Variants in LRRC4C observed in about 807,000 individuals in gnomAD.
The protein encoded by LRRC4C is leucine-rich repeat-containing protein 4C.
LRRC4C carries 5 observed loss-of-function variants against 33.6 expected under a neutral mutation model. The ratio of observed to expected loss-of-function variants is 0.15; its 90% confidence interval spans 0.08 to 0.31. The LOEUF (loss-of-function observed/expected upper bound fraction) is 0.31. Among genes scored for constraint, LRRC4C ranks in the 10% least tolerant of loss-of-function variants. The pLI is 1.00. For synonymous variants in LRRC4C, 329 were observed against 302.0 expected (o/e 1.09, Z -0.93); for missense variants, 560 against 796.7 (o/e 0.70, Z 3.58).
intron 2 of LRRC4C, among the ~76,000 whole-genome samples, chr11:40,911,286 A>G (rs1287162806): frequency 6.6e-6 from 1 of 152,130 alleles, no homozygotes; most frequent in East Asian, 1.9e-4. Context: ...CCCAACTGGG[A>G]GGCACCCCCG....
At chr11:40,660,570 C>T (rs1389501229) in intron 2 of LRRC4C, among the ~76,000 whole-genome samples, 2 of 152,188 alleles carry the variant, frequency 1.3e-5, no homozygotes, top group Non-Finnish European at 2.9e-5. Context: ...CTCGTTGAGA[C>T]ATTTGCCACA....
At chr11:40,635,517 A>T (rs909577404) in intron 3 of LRRC4C, among the ~76,000 whole-genome samples, 3 of 152,092 alleles carry the variant, frequency 2.0e-5, no homozygotes, top group African/African-American at 7.2e-5. Flanking sequence ...ACTACAAGAC[A>T]TGTCTACCAA....
In LRRC4C at chr11:40,375,704, A is replaced by G. The variant is rs367905188; in HGVS notation, c.-269-55983T>C. On this transcript the variant is annotated intron_variant, in intron 3 of 6. Transcript: ENST00000528697. Reference sequence around the variant, plus strand: ...CGAATAATTTTTATCTCTCACTTGCATGAAAATACATATAGATTAACCAAC... The same window carrying G: ...CGAATAATTTTTATCTCTCACTTGCGTGAAAATACATATAGATTAACCAAC... Among the ~76,000 whole-genome samples the G allele has an allele frequency of 5.9e-5, 9 of 152,334 alleles. No homozygotes were observed. In the East Asian group the frequency reaches 1.5e-3, roughly 26 times the overall value.
chr11:40,505,790 A>G (rs551392219), intron 3 of LRRC4C, among the ~76,000 whole-genome samples: 1 of 152,256 alleles, frequency 6.6e-6, no homozygotes, highest in African/African-American at 2.4e-5. Flanking sequence ...TCGAAGCCCA[A>G]TAATACCTCT....
At chr11:41,401,467 TA>T (rs1954023256) in intron 1 of LRRC4C, among the ~76,000 whole-genome samples, 1 of 139,208 alleles carries the variant, frequency 7.2e-6, no homozygotes, top group African/African-American at 2.4e-5. Flanking sequence ...TTTACAAGCA[TA>T]ACTAAAGCAA....
At chr11:40,613,969 A>G (rs575460079) in intron 3 of LRRC4C, among the ~76,000 whole-genome samples, 88 of 151,990 alleles carry the variant, frequency 5.8e-4, no homozygotes, top group African/African-American at 2.0e-3. Flanking sequence ...TGTCATCCAG[A>G]TTTTGTTGTC....
At chr11:40,637,537 CT>C (rs1941826442) in intron 3 of LRRC4C, among the ~76,000 whole-genome samples, 1 of 152,190 alleles carries the variant, frequency 6.6e-6, no homozygotes, top group Non-Finnish European at 1.5e-5. Flanking sequence ...ACCTCCTTAT[CT>C]TTCACTCCAA....
chr11:40,641,973 A>G (rs1191682739), intron 3 of LRRC4C, among the ~76,000 whole-genome samples: 1 of 151,066 alleles, frequency 6.6e-6, no homozygotes. Context: ...GTTAAAATTA[A>G]TGCTCATTTT....
intron 1 of LRRC4C, among the ~76,000 whole-genome samples, chr11:41,355,757 A>C (rs1053515771): frequency 6.6e-6 from 1 of 152,092 alleles, no homozygotes; most frequent in African/African-American, 2.4e-5. Context: ...ATGGTTAAAT[A>C]TTGACAATTT....
chr11:40,276,324 A>T (rs1042738632), intron 4 of LRRC4C, among the ~76,000 whole-genome samples: 1 of 152,156 alleles, frequency 6.6e-6, no homozygotes, highest in East Asian at 1.9e-4. Context: ...GCCAGCCCTA[A>T]GGGACAGAAA....
intron 1 of LRRC4C, among the ~76,000 whole-genome samples, chr11:41,449,498 G>A (rs1336812697): frequency 6.6e-6 from 1 of 152,060 alleles, no homozygotes; most frequent in African/African-American, 2.4e-5. Flanking sequence ...CTATATTCTG[G>A]CCCTGAAAAT....
At chr11:40,352,651 T>TGTCC (rs140398324) in intron 3 of LRRC4C, among the ~76,000 whole-genome samples, 1 of 47,494 alleles carries the variant, frequency 2.1e-5, no homozygotes, top group Non-Finnish European at 5.7e-5. Flanking sequence ...ATTCTGTGTT[T>TGTCC]GTGAACTTAC....
At chr11:41,311,766 A>G (rs1372159207) in intron 1 of LRRC4C, among the ~76,000 whole-genome samples, 1 of 152,234 alleles carries the variant, frequency 6.6e-6, no homozygotes, top group Non-Finnish European at 1.5e-5. Flanking sequence ...TAAAGCATGT[A>G]AGATAAAGCT....
At chr11:40,814,081 C>G (rs1044388521) in intron 2 of LRRC4C, among the ~76,000 whole-genome samples, 5 of 152,148 alleles carry the variant, frequency 3.3e-5, no homozygotes, top group African/African-American at 1.2e-4. Context: ...TTCCACTAGG[C>G]AGTTTCTCCA....
At chr11:41,256,731 T>C (rs1948813601) in intron 1 of LRRC4C, among the ~76,000 whole-genome samples, 1 of 151,974 alleles carries the variant, frequency 6.6e-6, no homozygotes, top group Admixed American at 6.6e-5. Flanking sequence ...GTGATCAAAG[T>C]CTGTTTAGAT....
intron 1 of LRRC4C, among the ~76,000 whole-genome samples, chr11:41,171,476 T>C (rs1042099484): frequency 1.3e-5 from 2 of 151,838 alleles, no homozygotes; most frequent in African/African-American, 4.8e-5. Context: ...CTGGAAACCA[T>C]CATTCTCAGA....
chr11:40,318,468 TA>T (rs1258371463), intron 4 of LRRC4C, among the ~76,000 whole-genome samples: 1 of 152,118 alleles, frequency 6.6e-6, no homozygotes, highest in Non-Finnish European at 1.5e-5. Context: ...TGGAGACTAT[TA>T]AGTCAATCCT....
intron 1 of LRRC4C, among the ~76,000 whole-genome samples, chr11:41,212,999 T>A (rs1389157253): frequency 6.6e-6 from 1 of 152,226 alleles, no homozygotes; most frequent in Non-Finnish European, 1.5e-5. Context: ...TGGGACCTTT[T>A]GTTTCCTTCT....
At chr11:40,580,825 G>A (rs1208519399) in intron 3 of LRRC4C, among the ~76,000 whole-genome samples, 3 of 152,092 alleles carry the variant, frequency 2.0e-5, no homozygotes, top group Non-Finnish European at 4.4e-5. Flanking sequence ...TGGATGAATG[G>A]GCAGTTATTT....
Sources: gnomAD v4.1 joint callset for allele counts (sites outside exome capture counted in the v4.1 genomes callset) on GRCh38, gnomAD v4.1.1 for gene constraint, MANE v1.5 for transcripts, NCBI Gene and HGNC (gene_info 2026-07-23, HGNC 2026-07-21) for gene names.